The following SEMA3B variants were observed in gnomAD, a reference collection of about 807,000 sequenced individuals.
SEMA3B encodes semaphorin-3B.
SEMA3B carries 71 observed loss-of-function variants against 77.8 expected under a neutral mutation model. That is an observed-to-expected ratio of 0.91 (90% CI 0.75 to 1.11). The LOEUF is 1.11. Ranked by LOEUF, SEMA3B falls within the 50% of genes most tolerant of loss-of-function variation. The pLI is 0.00. For missense variants in SEMA3B, 968 were observed against 1,056.8 expected, an observed-to-expected ratio of 0.92 and a Z score of 1.17; for synonymous variants, 470 against 452.9, an observed-to-expected ratio of 1.04 and a Z score of -0.48.
chr3:50,264,242 G>T (rs902814427), upstream of SEMA3B, among the ~76,000 whole-genome samples: 14 of 152,100 alleles, frequency 9.2e-5, no homozygotes, highest in African/African-American at 3.4e-4. Flanking sequence ...GTACTGGGGT[G>T]AGGGGCACAG....
At chr3:50,264,291 C>A (rs1269471968), upstream of SEMA3B, among the ~76,000 whole-genome samples, 2 of 152,094 alleles carry the variant, frequency 1.3e-5, no homozygotes, top group African/African-American at 2.4e-5. Context: ...CGAGAAGGGG[C>A]CTTGTTCAGC....
chr3:50,260,373 C>A, the SEMA3B span: 1 of 152,206 alleles, frequency 6.6e-6, no homozygotes, highest in Non-Finnish European at 1.5e-5. Flanking sequence ...GGACCCCGTC[C>A]CCGCACACCT....
chr3:50,260,544 G>A, the SEMA3B span: 1 of 152,332 alleles, frequency 6.6e-6, no homozygotes, highest in Non-Finnish European at 1.5e-5. Flanking sequence ...ACGGAGAACA[G>A]GATCCTGCGC....
At chr3:50,271,694 T>C (rs2109239917) in intron 6 of SEMA3B, among the ~76,000 whole-genome samples, 1 of 152,052 alleles carries the variant, frequency 6.6e-6, no homozygotes, top group East Asian at 1.9e-4. Flanking sequence ...TCAAGTCCAA[T>C]GGCCTTGAGG....
intron 5 of SEMA3B, 67 bp downstream of exon 5, chr3:50,271,248 A>T: frequency 6.5e-7 from 1 of 1,546,508 alleles, no homozygotes; most frequent in Admixed American, 2.0e-5. Flanking sequence ...AAGTCCCAAG[A>T]CCCCCAAGAG....
rs1202327720 is a variant in SEMA3B at position 50,273,223 on chromosome 3, G to A, written c.665-75G>A. The A allele has an allele frequency of 8.5e-6, 13 of 1,532,168 alleles. No homozygotes were observed. The highest frequency in any genetic ancestry group is 1.1e-5 in the Non-Finnish European group (12 of 1,137,050). The allele number at this position is 1,532,168 out of a possible 1,614,324, so 94.9% of individuals were successfully genotyped here. A position where few individuals can be genotyped will look rare whatever the true frequency, so the allele number is the denominator to read the frequency against. ...GGGTGCTGTGCCCGCACTACGGGAA[G>A]GGGAAGCAGCGCGTGGGTCTCGCAT... On this transcript the variant is annotated intron_variant, in intron 6 of 16. Coordinates refer to ENST00000616701, the MANE Select transcript of SEMA3B (RefSeq NM_001290060.2). The surrounding 1 kb of genome is among the most constrained non-coding windows in gnomAD (Gnocchi z 6.5).
chr3:50,275,813 T>C lies in SEMA3B; in HGVS notation c.1814T>C (p.Phe605Ser), dbSNP rs782755916. Residue 605 changes from phenylalanine (F) to serine (S), a missense_variant, in exon 16 of 17, where the codon TTC becomes TCC. Phe to Ser is a radical substitution (Grantham distance 155). Transcript: ENST00000616701. This position sits in a 1 kb window ranked among gnomAD's most constrained non-coding sequence, Gnocchi z 7.5. ...CTGCAGGCGCGCGTGGAGTGGACTT[T>C]CCAGCGCGCAGGGGTGACAGCCCAC... ...RSLQARVEWT[F>S]QRAGVTAHTQ... 6.2e-7 allele frequency: 1 copy of C among 1,609,882 alleles called. No homozygotes were observed. The highest frequency in any genetic ancestry group is 1.1e-5 in the South Asian group (1 of 90,910).
At chr3:50,272,855 A>AAATAATAATAATAATAATAAT (rs55666696) in intron 6 of SEMA3B, among the ~76,000 whole-genome samples, 3,669 of 145,534 alleles carry the variant, frequency 0.025, 71 homozygotes, top group African/African-American at 0.057. Flanking sequence ...ATAAATAAAC[A>AAATAATAATAATAATAATAAT]AATAATAATA....
chr3:50,273,356 A>G lies in SEMA3B; in HGVS notation c.723A>G (p.Lys241=). ...IPESENPDDD[K]IYFFFRETAV... ...AGAGCGAGAACCCAGACGACGACAA[A>G]ATCTACTTCTTCTTTCGTGAGACGG... Residue 241 remains lysine, a synonymous_variant, in exon 7 of 17, where the codon AAA becomes AAG. Coordinates refer to ENST00000616701, the MANE Select transcript of SEMA3B (RefSeq NM_001290060.2). This position sits in a 1 kb window ranked among gnomAD's most constrained non-coding sequence, Gnocchi z 6.5. 6.2e-7 allele frequency: 1 copy of G among 1,613,964 alleles called. No individual in the cohort carries two copies. Among genetic ancestry groups the G allele is most frequent in the Non-Finnish European group, 8.5e-7 (1 of 1,179,864 alleles).
the SEMA3B span, chr3:50,261,333 C>T: frequency 1.3e-5 from 2 of 152,280 alleles, no homozygotes; most frequent in Non-Finnish European, 2.9e-5. Flanking sequence ...TGTCTCCAGC[C>T]TGTGGAGACT....
At position 50,270,872 on chromosome 3, in the gene SEMA3B, C is replaced by T. The variant is rs1478955042; in HGVS notation, c.331-18C>T. 6.3e-7 allele frequency: 1 copy of T among 1,584,738 alleles called. No individual in the cohort carries two copies. The highest frequency in any genetic ancestry group is 8.6e-7 in the Non-Finnish European group (1 of 1,165,150). The stretch of plus-strand genomic sequence containing the variant: ...GGCTACGTCCCTGGGGGAAGCCTCA[C>T]ACCTCCAACCCTACTAGACTGAGTG... On this transcript the variant is annotated intron_variant, in intron 3 of 16. Transcript: ENST00000616701. This position sits in a 1 kb window ranked among gnomAD's most constrained non-coding sequence, Gnocchi z 4.7.
Position 50,269,966 on chromosome 3 carries a change from G to A in SEMA3B, c.110-161G>A, listed in dbSNP as rs1416734509. On this transcript the variant is annotated intron_variant, in intron 1 of 16. Coordinates refer to ENST00000616701, the MANE Select transcript of SEMA3B (RefSeq NM_001290060.2). This position sits in a 1 kb window ranked among gnomAD's most constrained non-coding sequence, Gnocchi z 4.0. ...CTGGCAGCTCCACACGTGCACCTGGGTGGGCTTGGGTTTGCGTGTGTAAAC... is the reference window on the plus strand; with the variant it reads ...CTGGCAGCTCCACACGTGCACCTGGATGGGCTTGGGTTTGCGTGTGTAAAC... Among the ~76,000 whole-genome samples the A allele has an allele frequency of 1.3e-5, 2 of 152,188 alleles. No individual in the cohort carries two copies. Among genetic ancestry groups the A allele is most frequent in the African/African-American group, 4.8e-5 (2 of 41,434 alleles).
chr3:50,263,352 A>G (rs1185091459), upstream of SEMA3B: 2 of 151,652 alleles, frequency 1.3e-5, no homozygotes, highest in Non-Finnish European at 2.9e-5. Context: ...TACAAAAATT[A>G]ACTGTGTGTT....
Position 50,270,589 on chromosome 3 carries a change from T to C in SEMA3B, c.330+94T>C, listed in dbSNP as rs1701021623. The C allele has an allele frequency of 4.5e-6, 7 of 1,555,752 alleles. No homozygotes were observed. The South Asian group carries it at 6.7e-5, about 15-fold the overall frequency. ...AAAACAGAGGCCTGCCTGTTCTGGC[T>C]GGGATGAGGGCAGGGAGGTCGAGGT... On this transcript the variant is annotated intron_variant, in intron 3 of 16. Transcript: ENST00000616701. This position sits in a 1 kb window ranked among gnomAD's most constrained non-coding sequence, Gnocchi z 4.7.
At position 50,270,674 on chromosome 3, in the gene SEMA3B, T is replaced by C. The variant is rs1701023885; in HGVS notation, c.330+179T>C. The stretch of plus-strand genomic sequence containing the variant: ...GCTCGTGTAATTCTTCTGGGGTGCC[T>C]CTGAGTCATGGGAGGCTTTGCAGGC... On this transcript the variant is annotated intron_variant, in intron 3 of 16. Coordinates refer to ENST00000616701, the MANE Select transcript of SEMA3B (RefSeq NM_001290060.2). This position sits in a 1 kb window ranked among gnomAD's most constrained non-coding sequence, Gnocchi z 4.7. 2.6e-6 allele frequency: 3 copies of C among 1,146,500 alleles called. No homozygotes were observed. Among genetic ancestry groups the C allele is most frequent in the African/African-American group, 1.5e-5 (1 of 64,736 alleles). 71.0% of individuals were successfully genotyped at this position (1,146,500 alleles called of 1,614,324 possible). A position where few individuals can be genotyped will look rare whatever the true frequency, so the allele number is the denominator to read the frequency against.
In SEMA3B at chr3:50,269,394, G is replaced by A; in HGVS notation, c.109+45G>A. 8.4e-7 allele frequency: 1 copy of A among 1,193,602 alleles called. No homozygotes were observed. Among genetic ancestry groups the A allele is most frequent in the Non-Finnish European group, 1.1e-6 (1 of 869,860 alleles). 73.9% of individuals were successfully genotyped at this position (1,193,602 alleles called of 1,614,324 possible). A position where few individuals can be genotyped will look rare whatever the true frequency, so the allele number is the denominator to read the frequency against. On this transcript the variant is annotated intron_variant, in intron 1 of 16. Coordinates refer to ENST00000616701, the MANE Select transcript of SEMA3B (RefSeq NM_001290060.2). This position sits in a 1 kb window ranked among gnomAD's most constrained non-coding sequence, Gnocchi z 4.0. ...GGGAGGGCCCAGCTTGAGGTGGGCA[G>A]GAAAGGGTCCCCGTATGGCCAGGGG...
At position 50,270,422 on chromosome 3, in the gene SEMA3B, C is replaced by A. The variant is rs781821968; in HGVS notation, c.268-11C>A. ...CTGACCTGTGTCCCCTCTCCCCCAA[C>A]CTCCCGATAGCTGGCCTGGCCGGCC... On this transcript the variant is annotated splice_polypyrimidine_tract_variant and intron_variant, in intron 2 of 16. Coordinates refer to ENST00000616701, the MANE Select transcript of SEMA3B (RefSeq NM_001290060.2). This position sits in a 1 kb window ranked among gnomAD's most constrained non-coding sequence, Gnocchi z 4.7. The A allele has an allele frequency of 1.9e-6, 3 of 1,613,780 alleles. No homozygotes were observed. The highest frequency in any genetic ancestry group is 2.5e-6 in the Non-Finnish European group (3 of 1,179,844).
chr3:50,273,970 C>T lies in SEMA3B; in HGVS notation c.1050C>T (p.Ala350=). The change falls in exon 10 of 17, where the codon GCC becomes GCT. Residue 350 remains alanine (A), a synonymous_variant. Coordinates refer to ENST00000616701, the MANE Select transcript of SEMA3B (RefSeq NM_001290060.2). The surrounding 1 kb of genome is among the most constrained non-coding windows in gnomAD (Gnocchi z 6.5). ...CVYSMNDVRR[A]FLGPFAHKEG... is the part of the protein sequence containing the mutation. ...ACAGCATGAACGACGTGCGCCGGGC[C>T]TTCTTGGGACCCTTTGCACACAAGG... The T allele has an allele frequency of 1.9e-6, 3 of 1,613,770 alleles. No homozygotes were observed. Among genetic ancestry groups the T allele is most frequent in the Non-Finnish European group, 1.7e-6 (2 of 1,179,744 alleles).
upstream of SEMA3B, among the ~76,000 whole-genome samples, chr3:50,264,152 A>C (rs9839427): frequency 6.6e-6 from 1 of 151,824 alleles, no homozygotes; most frequent in African/African-American, 2.4e-5. Context: ...TGAGGCTGCC[A>C]TGAGCCATGA....
Sources: allele counts gnomAD v4.1 joint callset (sites outside exome capture counted in the v4.1 genomes callset), GRCh38; gene constraint gnomAD v4.1.1; non-coding constraint Gnocchi (gnomAD v3.1); transcripts MANE v1.5; gene names NCBI Gene and HGNC (gene_info 2026-07-23, HGNC 2026-07-21).